FRMD4A: variants seen among roughly 807,000 people sequenced by gnomAD.
FRMD4A encodes the protein FERM domain containing 4A.
FRMD4A carries 29 observed loss-of-function variants against 129.1 expected under a neutral mutation model. That is an observed-to-expected ratio of 0.22 (90% CI 0.17 to 0.31). The LOEUF is 0.31. FRMD4A is among the 10% of genes least tolerant of loss of function. The pLI, the probability that FRMD4A is intolerant of heterozygous loss-of-function variation, is 1.00. For synonymous variants in FRMD4A, 634 were observed against 571.6 expected, an observed-to-expected ratio of 1.11 and a Z score of -1.56; for missense variants, 1,272 against 1,375.8, an observed-to-expected ratio of 0.92 and a Z score of 1.19.
intron 8 of FRMD4A, among the ~76,000 whole-genome samples, chr10:13,753,541 A>ATTTTTTTTT (rs35813128): frequency 8.7e-6 from 1 of 115,308 alleles, no homozygotes; most frequent in Non-Finnish European, 1.7e-5. Context: ...GTACCTTTCT[A>ATTTTTTTTT]TTTTTTTTTT....
intron 2 of FRMD4A, among the ~76,000 whole-genome samples, chr10:14,040,500 C>T (rs144256656): frequency 0.011 from 1,661 of 152,248 alleles, 28 homozygotes; most frequent in South Asian, 0.056. Context: ...TGCAAAAAAA[C>T]AGAGAATGAT....
At chr10:14,144,520 C>A (rs1430093580) in intron 2 of FRMD4A, among the ~76,000 whole-genome samples, 3 of 152,120 alleles carry the variant, frequency 2.0e-5, no homozygotes, top group Non-Finnish European at 4.4e-5. Context: ...ATTGGAAAAC[C>A]CTGATGAGTT....
intron 13 of FRMD4A, among the ~76,000 whole-genome samples, chr10:13,705,341 A>G (rs1307772105): frequency 2.0e-5 from 3 of 152,188 alleles, no homozygotes; most frequent in Non-Finnish European, 4.4e-5. Context: ...ACAGACGCAC[A>G]GAGAACACGA....
chr10:13,747,629 C>T (rs2091357611), intron 9 of FRMD4A, 107 bp downstream of exon 9: 1 of 645,734 alleles, frequency 1.5e-6, no homozygotes, highest in African/African-American at 1.8e-5. Flanking sequence ...AGCTGCAAGT[C>T]CAGGCTGGCA....
At position 13,698,500 on chromosome 10, in the gene FRMD4A, G is replaced by A. The variant is rs75049443; in HGVS notation, c.975+2840C>T. 8.3e-3 allele frequency among the ~76,000 whole-genome samples: 1,265 copies of A among 152,286 alleles called. 20 individuals carry two copies. Among genetic ancestry groups the A allele is most frequent in the African/African-American group, 0.029 (1,200 of 41,560 alleles). ...TAAAGAACATTCCAGAAACAGAAAG[G>A]TGTTGTAATGTAATTCCCAAAGGGT... is the stretch of plus-strand genomic sequence containing the variant. On this transcript the variant is annotated intron_variant, in intron 14 of 24. Transcript: ENST00000357447.
intron 2 of FRMD4A, among the ~76,000 whole-genome samples, chr10:14,119,420 C>T (rs2131808296): frequency 6.6e-6 from 1 of 152,226 alleles, no homozygotes; most frequent in South Asian, 2.1e-4. Flanking sequence ...GAGTGAAATG[C>T]CTTGATGTGC....
chr10:13,819,055 G>T (rs1308266311), intron 3 of FRMD4A, among the ~76,000 whole-genome samples: 2 of 152,096 alleles, frequency 1.3e-5, no homozygotes, highest in Non-Finnish European at 2.9e-5. Context: ...TTGAACCTAG[G>T]AGATGGAGGT....
chr10:14,284,440 A>C (rs995457320), intron 2 of FRMD4A, among the ~76,000 whole-genome samples: 1 of 152,200 alleles, frequency 6.6e-6, no homozygotes, highest in South Asian at 2.1e-4. Context: ...CGAGATCAGG[A>C]CATCAAGACC....
At chr10:13,782,189 A>C (rs553491451) in intron 6 of FRMD4A, among the ~76,000 whole-genome samples, 1 of 152,282 alleles carries the variant, frequency 6.6e-6, no homozygotes, top group South Asian at 2.1e-4. Context: ...CGTCCCTTTG[A>C]AAGATGCTGC....
At chr10:13,904,196 C>T (rs2797871) in intron 2 of FRMD4A, among the ~76,000 whole-genome samples, 149,820 of 151,974 alleles carry the variant, frequency 0.99, 73,877 homozygotes, top group East Asian at 1. Context: ...GGCCTGCCTG[C>T]CTGTCTGGCC....
intron 2 of FRMD4A, among the ~76,000 whole-genome samples, chr10:14,305,302 A>G (rs1329709214): frequency 6.6e-6 from 1 of 152,236 alleles, no homozygotes; most frequent in Non-Finnish European, 1.5e-5. Flanking sequence ...GCTGTGTCCC[A>G]TATCCTCACC....
chr10:14,110,603 G>A (rs1473906986), intron 2 of FRMD4A, among the ~76,000 whole-genome samples: 1 of 152,006 alleles, frequency 6.6e-6, no homozygotes. Context: ...CTAGTCACCT[G>A]AAATATATTA....
chr10:14,206,809 C>CAAAAAAAAAAAAAAAAAAAAAAAAA lies in FRMD4A; in HGVS notation c.45+123248_45+123249insTTTTTTTTTTTTTTTTTTTTTTTTT, dbSNP rs57029013. On this transcript the variant is annotated intron_variant, in intron 2 of 24. Transcript: ENST00000357447. ...TGGATGACAGAGTGAGACGCTATCT[C>CAAAAAAAAAAAAAAAAAAAAAAAAA]AAAAAAAAAAAAGAGAGACAGAGAA... 7.0e-5 allele frequency among the ~76,000 whole-genome samples: 3 copies of CAAAAAAAAAAAAAAAAAAAAAAAAA among 43,060 alleles called. 1 individual carries two copies. The highest frequency in any genetic ancestry group is 9.4e-4 in the Admixed American group (2 of 2,128). 28.2% of individuals were successfully genotyped at this position (43,060 alleles called of 152,430 possible).
chr10:13,762,318 G>C (rs1235676493), intron 7 of FRMD4A, among the ~76,000 whole-genome samples: 1 of 152,134 alleles, frequency 6.6e-6, no homozygotes, highest in African/African-American at 2.4e-5. Context: ...GCTTTCTCCA[G>C]GGTGGAGGTA....
intron 3 of FRMD4A, among the ~76,000 whole-genome samples, chr10:13,819,572 G>A (rs1223591020): frequency 1.3e-5 from 2 of 152,082 alleles, no homozygotes; most frequent in Non-Finnish European, 2.9e-5. Context: ...TTGAATGGTG[G>A]TCCCCAAAAA....
intron 2 of FRMD4A, among the ~76,000 whole-genome samples, chr10:14,142,776 A>G (rs938305876): frequency 3.9e-5 from 6 of 152,222 alleles, no homozygotes; most frequent in Non-Finnish European, 5.9e-5. Flanking sequence ...TTCCCACTAC[A>G]TTTGGCTGCC....
chr10:13,775,034 C>T (rs571686590), intron 6 of FRMD4A, among the ~76,000 whole-genome samples: 1 of 151,436 alleles, frequency 6.6e-6, no homozygotes, highest in East Asian at 1.9e-4. Context: ...ACTGACAAAG[C>T]CTCCCAGAAA....
chr10:14,297,828 C>T (rs1462422624), intron 2 of FRMD4A, among the ~76,000 whole-genome samples: 3 of 152,150 alleles, frequency 2.0e-5, no homozygotes, highest in Non-Finnish European at 4.4e-5. Context: ...CTTATGGTGA[C>T]TGGAGACTAT....
chr10:13,736,457 G>A (rs896814856), intron 12 of FRMD4A, among the ~76,000 whole-genome samples: 1 of 152,204 alleles, frequency 6.6e-6, no homozygotes, highest in Non-Finnish European at 1.5e-5. Context: ...AAAGAGCCAG[G>A]TTCTTCCTGA....
Sources: gnomAD v4.1 joint callset for allele counts (sites outside exome capture counted in the v4.1 genomes callset) on GRCh38, gnomAD v4.1.1 for gene constraint, MANE v1.5 for transcripts, NCBI Gene and HGNC (gene_info 2026-07-23, HGNC 2026-07-21) for gene names.